TRAK1: variants seen among roughly 807,000 people sequenced by gnomAD.
TRAK1 encodes trafficking kinesin protein 1.
Under a neutral mutation model 92.1 loss-of-function variants are expected in TRAK1, and 33 were observed. The observed-to-expected ratio is 0.36, with a 90% CI of 0.27 to 0.48. The LOEUF is 0.48. TRAK1 is among the 20% of genes least tolerant of loss of function. TRAK1 has a pLI of 0.99. For synonymous variants in TRAK1, 521 were observed against 517.3 expected, an observed-to-expected ratio of 1.01 and a Z score of -0.10; for missense variants, 1,123 against 1,257.9, an observed-to-expected ratio of 0.89 and a Z score of 1.62.
In TRAK1 at chr3:42,223,259, C is replaced by G; in HGVS notation, c.2384C>G (p.Pro795Arg). 6.2e-7 allele frequency: 1 copy of G among 1,614,252 alleles called. No homozygotes were observed. Among genetic ancestry groups the G allele is most frequent in the African/African-American group, 1.3e-5 (1 of 75,070 alleles). The change falls in exon 16 of 16, where the codon CCC becomes CGC. Residue 795 changes from proline to arginine, a missense_variant. Transcript: ENST00000327628. This position sits in a 1 kb window ranked among gnomAD's most constrained non-coding sequence, Gnocchi z 6.1. ...ATGCAGACACCCACATCCTCCCCAC[C>G]CTCCTTTGAGTTCAAGTGCACGAGC... ...SPMQTPTSSP[P>R]SFEFKCTSPP...
At chr3:42,147,572 G>T (rs1699471272) in intron 2 of TRAK1, among the ~76,000 whole-genome samples, 3 of 152,324 alleles carry the variant, frequency 2.0e-5, no homozygotes, top group African/African-American at 4.8e-5. Context: ...TCTGCTTGTG[G>T]TTTGGGCCCC....
At chr3:42,078,452 G>T (rs1704262015) in intron 1 of TRAK1, among the ~76,000 whole-genome samples, 1 of 152,070 alleles carries the variant, frequency 6.6e-6, no homozygotes, top group African/African-American at 2.4e-5. Flanking sequence ...CAGAAGAGGA[G>T]GTTAGAAAGA....
At chr3:42,110,371 A>G (rs914383078) in intron 1 of TRAK1, among the ~76,000 whole-genome samples, 11 of 151,650 alleles carry the variant, frequency 7.3e-5, no homozygotes, top group South Asian at 2.1e-4. Flanking sequence ...AGCACAGGAG[A>G]AAATACAGCC....
At chr3:42,070,936 C>G (rs1411548698) in intron 1 of TRAK1, among the ~76,000 whole-genome samples, 1 of 152,156 alleles carries the variant, frequency 6.6e-6, no homozygotes, top group African/African-American at 2.4e-5. Flanking sequence ...GGTTCAACAC[C>G]AGCTTCACCT....
At chr3:42,198,387 C>T (rs1287571377) in intron 10 of TRAK1, among the ~76,000 whole-genome samples, 1 of 152,194 alleles carries the variant, frequency 6.6e-6, no homozygotes, top group Non-Finnish European at 1.5e-5. Context: ...GTGGCAAAGA[C>T]TTACTGTGTT....
At chr3:42,213,054 ATTTTTT>A (rs34073573) in intron 14 of TRAK1, among the ~76,000 whole-genome samples, 1 of 113,070 alleles carries the variant, frequency 8.8e-6, no homozygotes. Context: ...TGGAGCTGAG[ATTTTTT>A]TTTTTTTTTT....
At chr3:42,118,042 T>A (rs1709391592) in intron 1 of TRAK1, among the ~76,000 whole-genome samples, 1 of 151,942 alleles carries the variant, frequency 6.6e-6, no homozygotes, top group African/African-American at 2.4e-5. Flanking sequence ...ATGGTCTCGA[T>A]GTCCTGACCT....
chr3:42,089,977 C>T (rs538540315), upstream of TRAK1, among the ~76,000 whole-genome samples: 1 of 152,252 alleles, frequency 6.6e-6, no homozygotes, highest in Non-Finnish European at 1.5e-5. Flanking sequence ...GTCTAAATCT[C>T]GAAAGGTTCA....
intron 1 of TRAK1, among the ~76,000 whole-genome samples, chr3:42,060,044 A>G (rs993645266): frequency 1.2e-4 from 19 of 152,150 alleles, no homozygotes; most frequent in Non-Finnish European, 1.6e-4. Context: ...TTTTTAAAAA[A>G]CATTCTGTTT....
At chr3:42,087,935 C>T (rs1704764651), upstream of TRAK1, among the ~76,000 whole-genome samples, 1 of 152,228 alleles carries the variant, frequency 6.6e-6, no homozygotes, top group Admixed American at 6.5e-5. Context: ...CACCTAACAT[C>T]TGTGCGGGCA....
intron 8 of TRAK1, 23 bp from the exon 9 acceptor site, chr3:42,193,792 TTAGGAAGTG>T (rs750126903): frequency 1.6e-6 from 2 of 1,241,716 alleles, no homozygotes; most frequent in Non-Finnish European, 2.3e-6. Context: ...ACCAAGTATC[TTAGGAAGTG>T]ATCTATCTTT....
At chr3:42,016,485 G>T (rs1037133426) in intron 1 of TRAK1, among the ~76,000 whole-genome samples, 1 of 152,184 alleles carries the variant, frequency 6.6e-6, no homozygotes, top group Non-Finnish European at 1.5e-5. Context: ...GATTATAGGC[G>T]CAAGCCACCA....
At chr3:42,195,848 C>G (rs73831710) in intron 10 of TRAK1, among the ~76,000 whole-genome samples, 1,531 of 152,304 alleles carry the variant, frequency 0.01, 26 homozygotes, top group African/African-American at 0.035. Flanking sequence ...TTCAGTCCCC[C>G]AAGTTCCCTG....
At chr3:42,104,949 C>CT (rs34326359) in intron 1 of TRAK1, among the ~76,000 whole-genome samples, 3,506 of 130,718 alleles carry the variant, frequency 0.027, 58 homozygotes, top group Non-Finnish European at 0.041. Context: ...AGCTAAAAAT[C>CT]TTTTTTTTTT....
chr3:42,040,981 CTG>C (rs1472811423), intron 1 of TRAK1, among the ~76,000 whole-genome samples: 1 of 152,024 alleles, frequency 6.6e-6, no homozygotes, highest in Non-Finnish European at 1.5e-5. Context: ...CCCAGCCACA[CTG>C]TGTTGGTTAC....
At chr3:42,221,046 G>C (rs1312531174) in intron 15 of TRAK1, among the ~76,000 whole-genome samples, 4 of 150,434 alleles carry the variant, frequency 2.7e-5, no homozygotes, top group Admixed American at 2.6e-4. Flanking sequence ...AACAAAGCCT[G>C]GGAAGTCAGT....
chr3:42,098,520 C>T (rs952670624), intron 1 of TRAK1, among the ~76,000 whole-genome samples: 10 of 152,126 alleles, frequency 6.6e-5, no homozygotes, highest in African/African-American at 2.4e-4. Context: ...AGCAGGAAGG[C>T]TGAAGACCGT....
At chr3:42,144,111 C>T (rs556191034) in intron 2 of TRAK1, among the ~76,000 whole-genome samples, 101 of 152,202 alleles carry the variant, frequency 6.6e-4, no homozygotes, top group African/African-American at 2.0e-3. Flanking sequence ...CCTACCTCAC[C>T]CCACCTGTCA....
In TRAK1 at chr3:42,041,153, A is replaced by G. The variant is rs1291640986; in HGVS notation, c.-519+27036A>G. Among the ~76,000 whole-genome samples, 862 of 148,484 alleles carry G rather than the reference A, an allele frequency of 5.8e-3. 3 individuals carry two copies. The highest frequency in any genetic ancestry group is 0.021 in the African/African-American group (799 of 38,698). On this transcript the variant is annotated intron_variant, in intron 1 of 16. Coordinates refer to the TRAK1 transcript ENST00000487159. ...AATTTATGCTTAAAAAAAAAAAAAA[A>G]CGGCTGGGATTTTGGTAGGAGTTGC... is the stretch of plus-strand genomic sequence containing the variant.
Sources: allele counts gnomAD v4.1 joint callset (sites outside exome capture counted in the v4.1 genomes callset), GRCh38; gene constraint gnomAD v4.1.1; non-coding constraint Gnocchi (gnomAD v3.1); transcripts MANE v1.5; gene names NCBI Gene and HGNC (gene_info 2026-07-23, HGNC 2026-07-21).